The following TGFBR1 variants were observed in gnomAD, a reference collection of about 807,000 sequenced individuals.
The protein encoded by TGFBR1 is transforming growth factor beta receptor 1.
Under a neutral mutation model 55.1 loss-of-function variants are expected in TGFBR1, and 20 were observed. That is an observed-to-expected ratio of 0.36 (90% CI 0.26 to 0.53). The LOEUF is 0.53. Among genes scored for constraint, TGFBR1 ranks in the 20% least tolerant of loss-of-function variants. The probability of loss-of-function intolerance (pLI) is 0.91; values close to 1 mark genes in which losing one functional copy is unlikely to be tolerated. For synonymous variants in TGFBR1, 220 were observed against 214.8 expected, an observed-to-expected ratio of 1.02 and a Z score of -0.21; for missense variants, 385 against 617.6, an observed-to-expected ratio of 0.62 and a Z score of 3.99.
intron 3 of TGFBR1, among the ~76,000 whole-genome samples, chr9:99,134,825 T>TAC (rs1827376726): frequency 1.9e-5 from 2 of 107,798 alleles, no homozygotes; most frequent in African/African-American, 6.6e-5. Context: ...TATATATATA[T>TAC]ATATATATAT....
chr9:99,132,098 C>T (rs1827248171), intron 2 of TGFBR1, among the ~76,000 whole-genome samples: 1 of 149,334 alleles, frequency 6.7e-6, no homozygotes, highest in African/African-American at 2.5e-5. Flanking sequence ...GTTTTTCTTG[C>T]TATGAGCATG....
chr9:99,132,354 G>A, intron 2 of TGFBR1, 155 bp from the exon 3 acceptor site: 1 of 1,271,972 alleles, frequency 7.9e-7, no homozygotes, highest in Admixed American at 2.0e-5. Context: ...CACTTGTTCT[G>A]GGTTTGAGCC....
At chr9:99,137,309 G>A (rs11568776) in intron 3 of TGFBR1, among the ~76,000 whole-genome samples, 202 of 152,234 alleles carry the variant, frequency 1.3e-3, no homozygotes, top group African/African-American at 4.7e-3. Flanking sequence ...AAACTGTTAC[G>A]AGATTCATCT....
rs1827971039 is a variant in TGFBR1, at chr9:99,151,254, GT to G, written c.*1956del. The G allele has an allele frequency of 4.3e-6, 1 of 231,626 alleles. No individual in the cohort carries two copies. The highest frequency in any genetic ancestry group is 6.1e-5 in the East Asian group (1 of 16,358). 14.3% of individuals were successfully genotyped at this position (231,626 alleles called of 1,614,324 possible). A position where few individuals can be genotyped will look rare whatever the true frequency, so the allele number is the denominator to read the frequency against. Reference sequence around the variant, plus strand: ...GTTACTATTTTGACTACAAAGTTGAGTTTTTTTCTGTAGTTACCATAATTTC... The same window carrying G: ...GTTACTATTTTGACTACAAAGTTGAGTTTTTTCTGTAGTTACCATAATTTC... On this transcript the variant is annotated 3_prime_UTR_variant, in exon 9 of 9. Coordinates refer to ENST00000374994, the MANE Select transcript of TGFBR1 (RefSeq NM_004612.4).
intron 6 of TGFBR1, among the ~76,000 whole-genome samples, chr9:99,145,098 A>G (rs1287114938): frequency 6.6e-6 from 1 of 152,218 alleles, no homozygotes; most frequent in Non-Finnish European, 1.5e-5. Flanking sequence ...CCCTTCCAGA[A>G]AATATCATTA....
chr9:99,133,456 G>T (rs1827312925), intron 3 of TGFBR1, among the ~76,000 whole-genome samples: 2 of 152,232 alleles, frequency 1.3e-5, no homozygotes, highest in Admixed American at 1.3e-4. Context: ...AAACTGAAAG[G>T]GGGTTATCTT....
Position 99,144,893 on chromosome 9 carries a change from A to G in TGFBR1, c.1130+5A>G. ...CCACAGAGTGGGAACAAAAAGGTATACTTTTGAACAACTATATTTAATATC... is the reference window on the plus strand; with the variant it reads ...CCACAGAGTGGGAACAAAAAGGTATGCTTTTGAACAACTATATTTAATATC... On this transcript the variant is annotated splice_donor_5th_base_variant and intron_variant, in intron 6 of 8. Coordinates refer to ENST00000374994, the MANE Select transcript of TGFBR1 (RefSeq NM_004612.4). The G allele has an allele frequency of 6.2e-7, 1 of 1,613,446 alleles. No homozygotes were observed. Among genetic ancestry groups the G allele is most frequent in the Non-Finnish European group, 8.5e-7 (1 of 1,179,580 alleles).
intron 1 of TGFBR1, among the ~76,000 whole-genome samples, chr9:99,124,541 A>G (rs1826981206): frequency 6.6e-6 from 1 of 152,130 alleles, no homozygotes; most frequent in Non-Finnish European, 1.5e-5. Context: ...GGCAGTATCC[A>G]GGGGCCAAAT....
intron 6 of TGFBR1, 41 bp from the exon 7 acceptor site, chr9:99,146,444 A>G: frequency 1.2e-6 from 2 of 1,613,148 alleles, no homozygotes; most frequent in Non-Finnish European, 1.7e-6. Flanking sequence ...TATGGCAGTA[A>G]GGGGATGATT....
At chr9:99,141,183 A>C (rs7867461) in intron 4 of TGFBR1, among the ~76,000 whole-genome samples, 133 of 152,324 alleles carry the variant, frequency 8.7e-4, no homozygotes, top group African/African-American at 3.0e-3. Context: ...TTCAAAATTC[A>C]GTAATGGTTA....
intron 1 of TGFBR1, among the ~76,000 whole-genome samples, chr9:99,120,606 AGT>A (rs1370545675): frequency 6.6e-6 from 1 of 152,182 alleles, no homozygotes; most frequent in African/African-American, 2.4e-5. Flanking sequence ...ATGGCTATAT[AGT>A]CTTTCATTTA....
At chr9:99,148,156 T>A (rs992921165) in intron 8 of TGFBR1, among the ~76,000 whole-genome samples, 1 of 152,204 alleles carries the variant, frequency 6.6e-6, no homozygotes, top group Non-Finnish European at 1.5e-5. Context: ...AGGGTCTGAC[T>A]CTGAACAAAT....
intron 1 of TGFBR1, among the ~76,000 whole-genome samples, chr9:99,114,583 C>G (rs1316608273): frequency 6.6e-6 from 1 of 152,194 alleles, no homozygotes; most frequent in Admixed American, 6.5e-5. Context: ...TCTTTCTTCT[C>G]CAGTTTAAGT....
In TGFBR1 at chr9:99,128,932, A is replaced by G. The variant is rs1405050563; in HGVS notation, c.175A>G (p.Thr59Ala). 2 of 1,613,998 alleles carry G rather than the reference A, an allele frequency of 1.2e-6. No homozygotes were observed. Among genetic ancestry groups the G allele is most frequent in the Non-Finnish European group, 1.7e-6 (2 of 1,179,942 alleles). ...VTDGLCFVSV[T>A]ETTDKVIHNS... ...AGATGGGCTCTGCTTTGTCTCTGTC[A>G]CAGAGACCACAGACAAAGTTATACA... is the stretch of plus-strand genomic sequence containing the variant. Residue 59 changes from threonine to alanine, a missense_variant, in exon 2 of 9, where the codon ACA becomes GCA. Thr to Ala is a moderately conservative substitution (Grantham distance 58). Transcript: ENST00000374994.
At position 99,146,573 on chromosome 9, in the gene TGFBR1, G is replaced by T. The variant is rs146549837; in HGVS notation, c.1219G>T (p.Val407Leu). ...TGCTGACATCTATGCAATGGGCTTA[G>T]TATTCTGGGAAATTGCTCGACGATG... ...KRADIYAMGL[V>L]FWEIARRCSI... The change falls in exon 7 of 9, where the codon GTA becomes TTA. Residue 407 changes from valine (V) to leucine (L), a missense_variant. Physicochemically the swap from Val to Leu is conservative, Grantham distance 32 (BLOSUM62 1). Around this residue, in one of 5 missense-constraint regions of TGFBR1, gnomAD observed 110 missense variants for 154.6 expected, o/e 0.71. Coordinates refer to ENST00000374994, the MANE Select transcript of TGFBR1 (RefSeq NM_004612.4). 3 of 1,613,866 alleles carry T rather than the reference G, an allele frequency of 1.9e-6. No individual in the cohort carries two copies. The African/African-American group carries it at 4.0e-5, about 22-fold the overall frequency.
chr9:99,119,601 T>C (rs543825552), intron 1 of TGFBR1, among the ~76,000 whole-genome samples: 1 of 152,380 alleles, frequency 6.6e-6, no homozygotes, highest in African/African-American at 2.4e-5. Context: ...GGATCTGATA[T>C]TTCTGTTCAT....
intron 3 of TGFBR1, among the ~76,000 whole-genome samples, chr9:99,134,968 C>T (rs780080181): frequency 6.6e-6 from 1 of 151,144 alleles, no homozygotes; most frequent in African/African-American, 2.4e-5. Context: ...TGGCTTTGGG[C>T]AGTTAACCAA....
chr9:99,142,564 G>A lies in TGFBR1; in HGVS notation c.834G>A (p.Leu278=). The A allele has an allele frequency of 1.9e-6, 3 of 1,614,020 alleles. No individual in the cohort carries two copies. Among genetic ancestry groups the A allele is most frequent in the Non-Finnish European group, 2.5e-6 (3 of 1,179,940 alleles). ...ATGGTACTTGGACTCAGCTCTGGTT[G>A]GTGTCAGATTATCATGAGCATGGAT... The part of the protein sequence containing the change: ...KDNGTWTQLW[L]VSDYHEHGSL... The change falls in exon 5 of 9, where the codon TTG becomes TTA. Residue 278 remains leucine (L), a synonymous_variant. Transcript: ENST00000374994.
At chr9:99,131,999 T>C (rs2118616309) in intron 2 of TGFBR1, among the ~76,000 whole-genome samples, 1 of 151,570 alleles carries the variant, frequency 6.6e-6, no homozygotes, top group East Asian at 1.9e-4. Context: ...GAGAGATATA[T>C]ACTGAAATGT....
Sources: allele counts gnomAD v4.1 joint callset (sites outside exome capture counted in the v4.1 genomes callset), GRCh38; gene constraint gnomAD v4.1.1; regional missense constraint gnomAD v4.1.1; transcripts MANE v1.5; gene names NCBI Gene and HGNC (gene_info 2026-07-23, HGNC 2026-07-21).